Variants in FBXL2 observed in about 807,000 individuals in gnomAD.
FBXL2 encodes the protein F-box and leucine rich repeat protein 2, also known as F-box/LRR-repeat protein 2.
A neutral mutation model predicts 69.2 loss-of-function variants in FBXL2; 38 were observed. That is an observed-to-expected ratio of 0.55 (90% CI 0.42 to 0.72). The LOEUF is 0.72. Among genes scored for constraint, FBXL2 ranks in the 30% least tolerant of loss-of-function variants. FBXL2 has a pLI of 0.00. For synonymous variants in FBXL2, 192 were observed against 201.3 expected (o/e 0.95, Z 0.39); for missense variants, 354 against 520.3 (o/e 0.68, Z 3.11).
chr3:33,394,817 G>GTTTTT (rs76142927), intron 12 of FBXL2, among the ~76,000 whole-genome samples: 14 of 110,426 alleles, frequency 1.3e-4, no homozygotes, highest in Admixed American at 5.3e-4. Context: ...CCCTCCACTT[G>GTTTTT]TTTTTTTTTT....
At chr3:33,328,801 A>ATGTGTGTGTGTG (rs60685309) in intron 2 of FBXL2, among the ~76,000 whole-genome samples, 2 of 146,884 alleles carry the variant, frequency 1.4e-5, no homozygotes, top group East Asian at 2.0e-4. Flanking sequence ...GTGTGTGTGC[A>ATGTGTGTGTGTG]TGTGTGTGTG....
At chr3:33,299,111 G>A (rs769532767) in intron 2 of FBXL2, among the ~76,000 whole-genome samples, 10 of 151,768 alleles carry the variant, frequency 6.6e-5, no homozygotes, top group Non-Finnish European at 1.0e-4. Flanking sequence ...GCATGATCTC[G>A]GCTCACCGCA....
chr3:33,376,156 C>CA (rs759277673), intron 10 of FBXL2, among the ~76,000 whole-genome samples: 4,999 of 136,412 alleles, frequency 0.037, 109 homozygotes, highest in African/African-American at 0.065. Context: ...GACCCCATCT[C>CA]AAAAAAAAAA....
Position 33,319,491 on chromosome 3 carries a change from A to T in FBXL2, c.65+21766A>T, listed in dbSNP as rs562698864. ...ATTTAACAGCTACTTCCTGAACACC[A>T]CTGTGCTTAGAATGTTGAATTATTG... On this transcript the variant is annotated intron_variant, in intron 2 of 14. Coordinates refer to ENST00000484457, the MANE Select transcript of FBXL2 (RefSeq NM_012157.5). 1.6e-4 allele frequency among the ~76,000 whole-genome samples: 25 copies of T among 152,320 alleles called. No individual in the cohort carries two copies. The South Asian group carries it at 4.4e-3, about 27-fold the overall frequency.
the FBXL2 span, chr3:33,409,606 A>G: frequency 6.2e-7 from 1 of 1,614,160 alleles, no homozygotes; most frequent in Non-Finnish European, 8.5e-7. Context: ...GTGTACCTAT[A>G]AAACGATTCA....
chr3:33,289,056 A>G (rs763058833), intron 1 of FBXL2, among the ~76,000 whole-genome samples: 4 of 152,176 alleles, frequency 2.6e-5, no homozygotes, highest in Non-Finnish European at 5.9e-5. Flanking sequence ...TGGAGTAGGG[A>G]TGAAGAAAGC....
the FBXL2 span, among the ~76,000 whole-genome samples, chr3:33,410,697 A>G: frequency 6.6e-6 from 1 of 152,182 alleles, no homozygotes; most frequent in Non-Finnish European, 1.5e-5. Context: ...CAGAATAATG[A>G]TATTATAGTT....
chr3:33,330,059 G>C (rs1009910564), intron 2 of FBXL2, among the ~76,000 whole-genome samples: 4 of 152,164 alleles, frequency 2.6e-5, no homozygotes, highest in African/African-American at 9.7e-5. Flanking sequence ...AAGGCAGAAG[G>C]ACCACTTGAG....
chr3:33,397,729 C>T (rs902844601), intron 12 of FBXL2: 1 of 151,908 alleles, frequency 6.6e-6, no homozygotes, highest in African/African-American at 2.4e-5. Context: ...CACATTATAC[C>T]CTAAGATTTC....
chr3:33,410,965 C>G, the FBXL2 span, among the ~76,000 whole-genome samples: 1 of 151,282 alleles, frequency 6.6e-6, no homozygotes, highest in African/African-American at 2.4e-5. Flanking sequence ...CCCAGCTACT[C>G]AGGAGGCTGA....
chr3:33,335,357 T>C (rs917500848), intron 2 of FBXL2, among the ~76,000 whole-genome samples: 2 of 152,160 alleles, frequency 1.3e-5, no homozygotes, highest in Non-Finnish European at 2.9e-5. Flanking sequence ...GTGATAAATA[T>C]GAAATCCCTT....
chr3:33,375,404 C>A lies in FBXL2; in HGVS notation c.774C>A (p.Asn258Lys). 1 of 1,614,132 alleles carries A rather than the reference C, an allele frequency of 6.2e-7. No individual in the cohort carries two copies. Among genetic ancestry groups the A allele is most frequent in the Non-Finnish European group, 8.5e-7 (1 of 1,179,972 alleles). ...CCTCTCTTACAGCCCTGGGTTTGAA[C>A]TGTCCGCGACTGCAGTGAGTACACT... ...TDASLTALGL[N>K]CPRLQILEAA... Residue 258 changes from asparagine (N) to lysine (K), a missense_variant, in exon 10 of 15, where the codon AAC becomes AAA. Asn to Lys is a moderately conservative substitution (Grantham distance 94). Coordinates refer to ENST00000484457, the MANE Select transcript of FBXL2 (RefSeq NM_012157.5).
At chr3:33,385,045 C>G (rs910358962) in intron 14 of FBXL2, among the ~76,000 whole-genome samples, 1 of 152,018 alleles carries the variant, frequency 6.6e-6, no homozygotes, top group African/African-American at 2.4e-5. Flanking sequence ...AGAAAAAAGG[C>G]CTATGGTAAA....
chr3:33,371,460 T>C (rs1161111873), intron 5 of FBXL2, among the ~76,000 whole-genome samples: 1 of 151,970 alleles, frequency 6.6e-6, no homozygotes, highest in Non-Finnish European at 1.5e-5. Flanking sequence ...TGTGAGCCAC[T>C]GCATCTGGCC....
At chr3:33,291,190 A>G (rs1179929101) in intron 1 of FBXL2, among the ~76,000 whole-genome samples, 2 of 152,122 alleles carry the variant, frequency 1.3e-5, no homozygotes, top group African/African-American at 4.8e-5. Context: ...TTACCTCCCA[A>G]AGTATTGGAA....
Position 33,304,934 on chromosome 3 carries a change from G to A in FBXL2, c.65+7209G>A, listed in dbSNP as rs192662607. On this transcript the variant is annotated intron_variant, in intron 2 of 14. Transcript: ENST00000484457. Reference sequence around the variant, plus strand: ...CTGTTCATATGTTTATTAGTCACACGTGTTTCCTCTTCAGTGAAACACGTA... The same window carrying A: ...CTGTTCATATGTTTATTAGTCACACATGTTTCCTCTTCAGTGAAACACGTA... Among the ~76,000 whole-genome samples the A allele has an allele frequency of 2.8e-4, 43 of 152,056 alleles. No homozygotes were observed. The East Asian group carries it at 7.7e-3, about 27-fold the overall frequency.
chr3:33,332,348 A>G (rs1381471338), intron 2 of FBXL2, among the ~76,000 whole-genome samples: 1 of 152,254 alleles, frequency 6.6e-6, no homozygotes, highest in Non-Finnish European at 1.5e-5. Context: ...ATAATGGTAC[A>G]GCCACTGCAG....
chr3:33,406,776 C>A (rs2044439649), downstream of FBXL2, among the ~76,000 whole-genome samples: 1 of 152,170 alleles, frequency 6.6e-6, no homozygotes, highest in Non-Finnish European at 1.5e-5. Context: ...CACAGTCCCT[C>A]CCCAGGTAAA....
At chr3:33,290,902 C>G (rs2035158021) in intron 1 of FBXL2, among the ~76,000 whole-genome samples, 1 of 150,888 alleles carries the variant, frequency 6.6e-6, no homozygotes, top group Non-Finnish European at 1.5e-5. Context: ...GACACCTTGT[C>G]AGAAACAGTG....
Sources: allele counts gnomAD v4.1 joint callset (sites outside exome capture counted in the v4.1 genomes callset), GRCh38; gene constraint gnomAD v4.1.1; transcripts MANE v1.5; gene names NCBI Gene and HGNC (gene_info 2026-07-23, HGNC 2026-07-21).